STYXL2: variants seen among roughly 807,000 people sequenced by gnomAD.
The protein encoded by STYXL2 is serine/threonine/tyrosine interacting like 2.
STYXL2 carries 44 observed loss-of-function variants against 52.4 expected under a neutral mutation model. That is an observed-to-expected ratio of 0.84 (90% CI 0.66 to 1.08). The LOEUF (loss-of-function observed/expected upper bound fraction) is 1.08, where lower values mean the gene tolerates loss of function less well. STYXL2 is among the 50% of genes least tolerant of loss of function. The pLI, the probability that STYXL2 is intolerant of heterozygous loss-of-function variation, is 0.00. For synonymous variants in STYXL2, 604 were observed against 586.9 expected (o/e 1.03, Z -0.42); for missense variants, 1,604 against 1,471.7 (o/e 1.09, Z -1.47).
At chr1:167,100,622 A>G (rs1461496545) in intron 2 of STYXL2, among the ~76,000 whole-genome samples, 1 of 152,172 alleles carries the variant, frequency 6.6e-6, no homozygotes, top group East Asian at 1.9e-4. Flanking sequence ...CTCCCTTCCT[A>G]GGCAAAAACA....
In STYXL2 at chr1:167,127,182, A is replaced by C; in HGVS notation, c.2051A>C (p.His684Pro). 6.2e-7 allele frequency: 1 copy of C among 1,614,094 alleles called. No individual in the cohort carries two copies. The highest frequency in any genetic ancestry group is 8.5e-7 in the Non-Finnish European group (1 of 1,179,968). ...ACGTCAGTACTGAGCACCCAGAGCCACCGCTCCCACCTGTCTCAGGCTGCA... is the reference window on the plus strand; with the variant it reads ...ACGTCAGTACTGAGCACCCAGAGCCCCCGCTCCCACCTGTCTCAGGCTGCA... ...DTTSVLSTQS[H>P]RSHLSQAASN... Residue 684 changes from histidine to proline, a missense_variant, in exon 6 of 6, where the codon CAC (histidine) becomes CCC (proline). Physicochemically the swap from His to Pro is moderately conservative, Grantham distance 77. Transcript: ENST00000361200.
chr1:167,095,625 A>T (rs1667269357), intron 2 of STYXL2, among the ~76,000 whole-genome samples: 1 of 152,178 alleles, frequency 6.6e-6, no homozygotes, highest in South Asian at 2.1e-4. Context: ...AAACCACGAG[A>T]CGTTAAAGAA....
rs144006881 is a variant in STYXL2, at chr1:167,127,100, A to G, written c.1969A>G (p.Ile657Val). ...EADSSTASGS[I>V]PLSAFWSADP... ...GGACAGCTCCACGGCCAGCGGGAGC[A>G]TTCCCCTGTCTGCGTTCTGGTCTGC... Residue 657 changes from isoleucine (I) to valine (V), a missense_variant, in exon 6 of 6, where the codon ATT becomes GTT. Physicochemically the swap from Ile to Val is conservative, Grantham distance 29. Transcript: ENST00000361200. The G allele has an allele frequency of 3.7e-3, 5,982 of 1,613,902 alleles. 12 individuals are homozygous for G. Among genetic ancestry groups the G allele is most frequent in the Non-Finnish European group, 4.7e-3 (5,575 of 1,179,862 alleles).
At chr1:167,114,419 C>T (rs1053778000) in intron 3 of STYXL2, among the ~76,000 whole-genome samples, 17 of 152,164 alleles carry the variant, frequency 1.1e-4, no homozygotes, top group Non-Finnish European at 2.5e-4. Context: ...TCTCCCTTCT[C>T]CCTGGGTAGC....
chr1:167,127,287 C>G lies in STYXL2; in HGVS notation c.2156C>G (p.Ser719Cys), dbSNP rs764091553. ...NLPVGPGDTI[S>C]IASIQNWIAN... is the part of the protein sequence containing the mutation. ...CCAGTGGGGCCTGGAGACACCATTT[C>G]CATTGCCAGTATCCAGAACTGGATT... Residue 719 changes from serine to cysteine, a missense_variant, in exon 6 of 6, where the codon TCC becomes TGC. Physicochemically the swap from Ser to Cys is moderately radical, Grantham distance 112. Coordinates refer to ENST00000361200, the MANE Select transcript of STYXL2 (RefSeq NM_001080426.3). 6.2e-7 allele frequency: 1 copy of G among 1,614,216 alleles called. No individual in the cohort carries two copies. Among genetic ancestry groups the G allele is most frequent in the South Asian group, 1.1e-5 (1 of 91,088 alleles).
intron 2 of STYXL2, among the ~76,000 whole-genome samples, chr1:167,108,472 C>T (rs1221779482): frequency 6.6e-6 from 1 of 152,206 alleles, no homozygotes; most frequent in Non-Finnish European, 1.5e-5. Context: ...TTTGAAAATG[C>T]ATCTTTTCGT....
intron 5 of STYXL2, among the ~76,000 whole-genome samples, chr1:167,121,022 T>A (rs1247783376): frequency 6.6e-6 from 1 of 151,134 alleles, no homozygotes; most frequent in Non-Finnish European, 1.5e-5. Context: ...AACTCCTTTT[T>A]TTTTTTTAGG....
At chr1:167,124,183 T>A (rs1667915697) in intron 5 of STYXL2, among the ~76,000 whole-genome samples, 1 of 152,200 alleles carries the variant, frequency 6.6e-6, no homozygotes, top group Non-Finnish European at 1.5e-5. Flanking sequence ...GTGCTGGGAT[T>A]ACAGGTATGA....
chr1:167,125,147 A>C (rs1667936001), intron 5 of STYXL2, among the ~76,000 whole-genome samples: 1 of 152,230 alleles, frequency 6.6e-6, no homozygotes, highest in Admixed American at 6.5e-5. Flanking sequence ...TGTTTCATAC[A>C]ATGTATCCAT....
chr1:167,113,580 G>A (rs899491627), intron 2 of STYXL2, 130 bp from the exon 3 acceptor site: 9 of 720,126 alleles, frequency 1.2e-5, no homozygotes, highest in Admixed American at 2.0e-5. Context: ...CTTAAACTTA[G>A]GAAGGCTTTG....
chr1:167,122,908 C>G (rs1260280374), intron 5 of STYXL2, among the ~76,000 whole-genome samples: 1 of 152,178 alleles, frequency 6.6e-6, no homozygotes, highest in African/African-American at 2.4e-5. Context: ...CTCAAGTGAT[C>G]CACCACCTCG....
rs61748784 is a variant in STYXL2 at position 167,128,330 on chromosome 1, G to A, written c.3199G>A (p.Asp1067Asn). ...PQRPNWARSR[D>N]WEDVEESSKS... ...GCGCCCAAATTGGGCCAGGTCCAGGGACTGGGAAGATGTGGAAGAGTCATC... is the reference window on the plus strand; with the variant it reads ...GCGCCCAAATTGGGCCAGGTCCAGGAACTGGGAAGATGTGGAAGAGTCATC... Residue 1067 changes from aspartate (D) to asparagine (N), a missense_variant, in exon 6 of 6, where the codon GAC (aspartate) becomes AAC (asparagine). Coordinates refer to ENST00000361200, the MANE Select transcript of STYXL2 (RefSeq NM_001080426.3). The A allele has an allele frequency of 0.12, 197,924 of 1,614,046 alleles. 13,624 individuals carry two copies. The highest frequency in any genetic ancestry group is 0.22 in the Middle Eastern group (1,317 of 6,062).
chr1:167,119,236 C>T lies in STYXL2; in HGVS notation c.438-13C>T, dbSNP rs1410244. ...TCCGACTCTTGCAAACAGGTCCCTG[C>T]CTCTTCCCGCAGGAGTGTGGCTGTG... On this transcript the variant is annotated splice_polypyrimidine_tract_variant and intron_variant, in intron 4 of 5. Transcript: ENST00000361200. 3 of 1,612,476 alleles carry T rather than the reference C, an allele frequency of 1.9e-6. No homozygotes were observed. In the African/African-American group the frequency reaches 4.0e-5, roughly 22 times the overall value.
chr1:167,113,598 C>T (rs1667660067), intron 2 of STYXL2, 112 bp from the exon 3 acceptor site: 1 of 809,848 alleles, frequency 1.2e-6, no homozygotes, highest in Admixed American at 1.8e-5. Context: ...TTGCCTTGAT[C>T]ACTCGTTGTT....
chr1:167,104,630 C>T (rs1667474241), intron 2 of STYXL2, among the ~76,000 whole-genome samples: 1 of 152,214 alleles, frequency 6.6e-6, no homozygotes, highest in South Asian at 2.1e-4. Flanking sequence ...AGCTCTTTCA[C>T]TAAGCCTGTT....
chr1:167,110,205 GACAAA>G (rs1667588345), intron 2 of STYXL2, among the ~76,000 whole-genome samples: 2 of 152,164 alleles, frequency 1.3e-5, no homozygotes, highest in Admixed American at 1.3e-4. Flanking sequence ...CACCACATGA[GACAAA>G]AGAATCTGAA....
At position 167,095,711 on chromosome 1, in the gene STYXL2, A is replaced by G. The variant is rs573172668; in HGVS notation, c.110+752A>G. On this transcript the variant is annotated intron_variant, in intron 2 of 5. Coordinates refer to ENST00000361200, the MANE Select transcript of STYXL2 (RefSeq NM_001080426.3). ...TTCTTCTGTCATAAATCATAACAGG[A>G]GACCTGACTTTTAATCACATCTCTG... Among the ~76,000 whole-genome samples, 3 of 152,370 alleles carry G rather than the reference A, an allele frequency of 2.0e-5. No homozygotes were observed. The South Asian group carries it at 6.2e-4, about 32-fold the overall frequency.
chr1:167,124,946 TAAA>T (rs10531474), intron 5 of STYXL2, among the ~76,000 whole-genome samples: 141 of 129,692 alleles, frequency 1.1e-3, no homozygotes, highest in East Asian at 4.8e-3. Flanking sequence ...TACAAACTCC[TAAA>T]AAAAAAAAAA....
At chr1:167,112,856 A>G (rs1056368887) in intron 2 of STYXL2, among the ~76,000 whole-genome samples, 2 of 152,144 alleles carry the variant, frequency 1.3e-5, no homozygotes, top group Non-Finnish European at 2.9e-5. Flanking sequence ...TCCTCCCTCT[A>G]TGGACCTATA....
Sources: gnomAD v4.1 joint callset for allele counts (sites outside exome capture counted in the v4.1 genomes callset) on GRCh38, gnomAD v4.1.1 for gene constraint, MANE v1.5 for transcripts, NCBI Gene and HGNC (gene_info 2026-07-23, HGNC 2026-07-21) for gene names.